Variants in SERINC5 observed in about 807,000 individuals in gnomAD.
SERINC5 encodes serine incorporator 5.
SERINC5 carries 41 observed loss-of-function variants against 63.1 expected under a neutral mutation model. That is an observed-to-expected ratio of 0.65 (90% CI 0.51 to 0.84). The LOEUF (loss-of-function observed/expected upper bound fraction) is 0.84. Among genes scored for constraint, SERINC5 ranks in the 40% least tolerant of loss-of-function variants. The pLI, the probability that SERINC5 is intolerant of heterozygous loss-of-function variation, is 0.00. For synonymous variants in SERINC5, 222 were observed against 215.2 expected (o/e 1.03, Z -0.28); for missense variants, 523 against 573.0 (o/e 0.91, Z 0.89).
chr5:80,154,227 T>C (rs1276055248), intron 8 of SERINC5, among the ~76,000 whole-genome samples: 1 of 152,012 alleles, frequency 6.6e-6, no homozygotes, highest in Non-Finnish European at 1.5e-5. Flanking sequence ...TTGCCCAGGC[T>C]GTAGTGCAAT....
intron 11 of SERINC5, among the ~76,000 whole-genome samples, chr5:80,121,637 A>G (rs544165168): frequency 1.3e-5 from 2 of 152,280 alleles, no homozygotes; most frequent in South Asian, 4.2e-4. Context: ...TGCTATTAAG[A>G]AATACCTGAG....
intron 1 of SERINC5, among the ~76,000 whole-genome samples, chr5:80,227,756 T>C (rs1751235144): frequency 6.6e-6 from 1 of 151,850 alleles, no homozygotes; most frequent in Non-Finnish European, 1.5e-5. Flanking sequence ...GGCTGAGGCA[T>C]GAGAATCGCT....
chr5:80,197,308 TGAGAGAGAGAGAGAGAGAGAGAGAGAGA>T (rs34195156), intron 2 of SERINC5, among the ~76,000 whole-genome samples: 5 of 136,974 alleles, frequency 3.7e-5, no homozygotes, highest in African/African-American at 1.1e-4. Context: ...ACTCCATCTG[TGAGAGAGAGAGAGAGAGAGAGAGAGAGA>T]GAGAGAGAGA....
intron 4 of SERINC5, among the ~76,000 whole-genome samples, chr5:80,175,353 C>A (rs535089083): frequency 3.3e-5 from 5 of 152,090 alleles, no homozygotes; most frequent in African/African-American, 1.2e-4. Context: ...CTAATAGATG[C>A]CCTAATTCAT....
intron 1 of SERINC5, among the ~76,000 whole-genome samples, chr5:80,237,972 C>T (rs1425329082): frequency 9.9e-5 from 15 of 151,480 alleles, no homozygotes; most frequent in Non-Finnish European, 2.2e-4. Flanking sequence ...GGCGTGGTGG[C>T]GCGCGCCTGT....
intron 1 of SERINC5, among the ~76,000 whole-genome samples, chr5:80,239,208 G>C (rs1751844068): frequency 6.6e-6 from 1 of 152,192 alleles, no homozygotes; most frequent in South Asian, 2.1e-4. Flanking sequence ...GGCAACGCAG[G>C]ACCCGGAGCA....
chr5:80,232,524 G>A (rs962418326), intron 1 of SERINC5, among the ~76,000 whole-genome samples: 5 of 151,972 alleles, frequency 3.3e-5, no homozygotes, highest in African/African-American at 4.8e-5. Flanking sequence ...AGTGGCTCAC[G>A]CCTGTAATCC....
intron 2 of SERINC5, among the ~76,000 whole-genome samples, chr5:80,187,727 A>T (rs1002418126): frequency 6.6e-6 from 1 of 152,238 alleles, no homozygotes; most frequent in East Asian, 1.9e-4. Flanking sequence ...AAGATGAATG[A>T]AAATTAATCT....
At chr5:80,247,566 G>C (rs1208494001) in intron 1 of SERINC5, among the ~76,000 whole-genome samples, 10 of 152,134 alleles carry the variant, frequency 6.6e-5, no homozygotes. Flanking sequence ...AAACATATTT[G>C]AATGAGCAAC....
intron 1 of SERINC5, among the ~76,000 whole-genome samples, chr5:80,249,244 G>A (rs1392136169): frequency 6.6e-6 from 1 of 152,040 alleles, no homozygotes; most frequent in Non-Finnish European, 1.5e-5. Flanking sequence ...GAACCTGGGA[G>A]GCGGAGCTTG....
chr5:80,252,120 T>C (rs1580226794), intron 1 of SERINC5, among the ~76,000 whole-genome samples: 1 of 146,898 alleles, frequency 6.8e-6, no homozygotes, highest in South Asian at 2.2e-4. Flanking sequence ...TAGGGTGCAG[T>C]GCTCAATATC....
chr5:80,183,788 T>C (rs1285471546), intron 2 of SERINC5, among the ~76,000 whole-genome samples: 1 of 151,740 alleles, frequency 6.6e-6, no homozygotes, highest in Non-Finnish European at 1.5e-5. Context: ...CACCCCTATC[T>C]CCCTTCGCTG....
At chr5:80,183,368 C>T (rs1748578889) in intron 2 of SERINC5, among the ~76,000 whole-genome samples, 1 of 152,134 alleles carries the variant, frequency 6.6e-6, no homozygotes, top group East Asian at 1.9e-4. Context: ...CACCTTAGGG[C>T]ATCACCAAGG....
At chr5:80,114,774 G>A (rs1435604073) in intron 11 of SERINC5, 2 of 151,952 alleles carry the variant, frequency 1.3e-5, no homozygotes, top group African/African-American at 4.8e-5. Context: ...ACAACATGGG[G>A]GGATTACAAT....
intron 4 of SERINC5, among the ~76,000 whole-genome samples, chr5:80,176,831 T>C (rs1748061972): frequency 6.6e-6 from 1 of 152,178 alleles, no homozygotes; most frequent in African/African-American, 2.4e-5. Flanking sequence ...CCTCAGCTCA[T>C]ATGAAAAAGG....
At chr5:80,155,748 T>TA (rs1017789880) in intron 8 of SERINC5, among the ~76,000 whole-genome samples, 7 of 151,908 alleles carry the variant, frequency 4.6e-5, no homozygotes, top group Admixed American at 1.3e-4. Context: ...CATTTTTTTT[T>TA]ATCTAAAAAA....
intron 11 of SERINC5, among the ~76,000 whole-genome samples, chr5:80,127,965 AATTT>A: frequency 7.9e-6 from 1 of 126,920 alleles, no homozygotes; most frequent in South Asian, 2.5e-4. Flanking sequence ...ATAAATTATA[AATTT>A]AAAGATTTAA....
intron 1 of SERINC5, among the ~76,000 whole-genome samples, chr5:80,246,451 ATG>A (rs1473833484): frequency 1.3e-5 from 2 of 152,190 alleles, no homozygotes; most frequent in East Asian, 1.9e-4. Context: ...GGGGTTATGC[ATG>A]TGTTTTTCCT....
At chr5:80,216,547 C>T (rs992694378) in intron 1 of SERINC5, among the ~76,000 whole-genome samples, 1 of 152,152 alleles carries the variant, frequency 6.6e-6, no homozygotes, top group African/African-American at 2.4e-5. Flanking sequence ...CATTCACTGG[C>T]ACCCACTGAG....
Sources: allele counts gnomAD v4.1 joint callset (sites outside exome capture counted in the v4.1 genomes callset), GRCh38; gene constraint gnomAD v4.1.1; transcripts MANE v1.5; gene names NCBI Gene and HGNC (gene_info 2026-07-23, HGNC 2026-07-21).